BIRC6: variants seen among roughly 807,000 people sequenced by gnomAD.
The protein encoded by BIRC6 is dual E2 ubiquitin-conjugating enzyme/E3 ubiquitin-protein ligase BIRC6.
BIRC6 carries 98 observed loss-of-function variants against 503.3 expected under a neutral mutation model. The observed-to-expected ratio is 0.19, with a 90% CI of 0.17 to 0.23. BIRC6 has a LOEUF of 0.23. Ranked by LOEUF, BIRC6 falls within the 10% of genes least tolerant of loss-of-function variation. BIRC6 has a pLI of 1.00. For missense variants in BIRC6, 5,360 were observed against 5,806.0 expected (o/e 0.92, Z 2.50); for synonymous variants, 2,240 against 2,078.7 (o/e 1.08, Z -2.11).
intron 9 of BIRC6, among the ~76,000 whole-genome samples, chr2:32,413,827 C>G (rs1452751224): frequency 6.6e-6 from 1 of 152,018 alleles, no homozygotes; most frequent in Non-Finnish European, 1.5e-5. Context: ...TGCTTATAAC[C>G]TATGCACATC....
intron 14 of BIRC6, among the ~76,000 whole-genome samples, chr2:32,435,848 G>A (rs1477185253): frequency 6.6e-6 from 1 of 152,106 alleles, no homozygotes; most frequent in East Asian, 1.9e-4. Context: ...GAAAATAAAG[G>A]TGAACTGTAA....
At chr2:32,570,484 A>G (rs549823999) in intron 65 of BIRC6, among the ~76,000 whole-genome samples, 1 of 143,904 alleles carries the variant, frequency 6.9e-6, no homozygotes, top group South Asian at 2.2e-4. Context: ...GTGCGTGGCC[A>G]TTTATTTGTT....
Position 32,401,556 on chromosome 2 carries a change from A to G in BIRC6, c.1351A>G (p.Arg451Gly). 1 of 1,614,040 alleles carries G rather than the reference A, an allele frequency of 6.2e-7. No individual in the cohort carries two copies. The highest frequency in any genetic ancestry group is 8.5e-7 in the Non-Finnish European group (1 of 1,179,886). Residue 451 changes from arginine (R) to glycine (G), a missense_variant, in exon 8 of 74, where the codon AGA becomes GGA. Coordinates refer to ENST00000421745, the MANE Select transcript of BIRC6 (RefSeq NM_016252.4). ...CCCAAGCTCAGGAGTTGATTCAAGG[A>G]GACCAACTTTGGCGTGGCTGGAGGA... ...GDPSSGVDSRRPTLAWLEDSS... is the reference protein window; with the variant it reads ...GDPSSGVDSRGPTLAWLEDSS...
At chr2:32,485,298 C>G (rs1204312849) in intron 39 of BIRC6, among the ~76,000 whole-genome samples, 1 of 152,194 alleles carries the variant, frequency 6.6e-6, no homozygotes, top group African/African-American at 2.4e-5. Context: ...TGGATTTAAT[C>G]TAACTCCATA....
At chr2:32,430,150 T>A (rs964853270) in intron 11 of BIRC6, among the ~76,000 whole-genome samples, 1 of 152,206 alleles carries the variant, frequency 6.6e-6, no homozygotes, top group Non-Finnish European at 1.5e-5. Flanking sequence ...GTCATTTTTT[T>A]ATTGTGAAAA....
At chr2:32,514,191 T>C (rs72855970) in intron 54 of BIRC6, among the ~76,000 whole-genome samples, 6,169 of 152,188 alleles carry the variant, frequency 0.041, 207 homozygotes, top group African/African-American at 0.093. Flanking sequence ...CATGGTGGCA[T>C]GTTCCTCTAT....
chr2:32,545,987 A>G, intron 63 of BIRC6, 127 bp downstream of exon 63: 1 of 849,872 alleles, frequency 1.2e-6, no homozygotes. Flanking sequence ...CTAAAAGGAT[A>G]TTTAAAACAG....
chr2:32,535,389 G>A (rs2057145483), intron 61 of BIRC6, among the ~76,000 whole-genome samples: 1 of 151,998 alleles, frequency 6.6e-6, no homozygotes, highest in Non-Finnish European at 1.5e-5. Context: ...TGCAATGTTG[G>A]TATGCTGCAC....
chr2:32,384,692 T>C (rs2038188813), intron 3 of BIRC6, among the ~76,000 whole-genome samples: 1 of 152,168 alleles, frequency 6.6e-6, no homozygotes, highest in Non-Finnish European at 1.5e-5. Flanking sequence ...GCAACAGCTG[T>C]AGCCTGGTTA....
In BIRC6 at chr2:32,463,393, T is replaced by C. The variant is rs2048201391; in HGVS notation, c.4941+12T>C. ...AGCTTCAGCAACAGGTTGGAGACTA[T>C]TTGGCTCTTTGTTCATGCTGTCTCT... is the stretch of plus-strand genomic sequence containing the variant. On this transcript the variant is annotated intron_variant, in intron 24 of 73. Coordinates refer to ENST00000421745, the MANE Select transcript of BIRC6 (RefSeq NM_016252.4). 6.3e-7 allele frequency: 1 copy of C among 1,586,584 alleles called. No individual in the cohort carries two copies. Among genetic ancestry groups the C allele is most frequent in the Non-Finnish European group, 8.6e-7 (1 of 1,167,674 alleles).
At chr2:32,412,242 T>C (rs1356146890) in intron 9 of BIRC6, among the ~76,000 whole-genome samples, 1 of 152,174 alleles carries the variant, frequency 6.6e-6, no homozygotes, top group Non-Finnish European at 1.5e-5. Context: ...CTCATGTCTA[T>C]AATCCGAGCA....
intron 20 of BIRC6, among the ~76,000 whole-genome samples, chr2:32,444,031 G>GTTTTTTT (rs776568064): frequency 1.5e-5 from 2 of 136,884 alleles, no homozygotes; most frequent in African/African-American, 5.5e-5. Context: ...GGGACCAGTG[G>GTTTTTTT]TTTTTTTTTT....
intron 32 of BIRC6, 118 bp downstream of exon 32, chr2:32,471,242 G>A: frequency 7.6e-7 from 1 of 1,307,864 alleles, no homozygotes; most frequent in Non-Finnish European, 1.0e-6. Flanking sequence ...GCTACCAGCT[G>A]TATGTAATTT....
chr2:32,453,226 A>G (rs753441700), intron 22 of BIRC6, among the ~76,000 whole-genome samples: 1 of 152,152 alleles, frequency 6.6e-6, no homozygotes, highest in Non-Finnish European at 1.5e-5. Context: ...TTTCTTTTAA[A>G]AACTACTTAT....
intron 23 of BIRC6, 89 bp from the exon 24 acceptor site, chr2:32,463,105 G>A: frequency 9.1e-7 from 1 of 1,100,716 alleles, no homozygotes; most frequent in Admixed American, 3.1e-5. Flanking sequence ...CATCATAATA[G>A]TGCCAAAATA....
At chr2:32,370,058 G>A (rs1307215566) in intron 1 of BIRC6, among the ~76,000 whole-genome samples, 1 of 133,574 alleles carries the variant, frequency 7.5e-6, no homozygotes, top group Non-Finnish European at 1.6e-5. Flanking sequence ...ATGTGTGTAT[G>A]TATACACACA....
At chr2:32,418,363 T>C (rs1162106996) in intron 10 of BIRC6, among the ~76,000 whole-genome samples, 1 of 152,212 alleles carries the variant, frequency 6.6e-6, no homozygotes, top group African/African-American at 2.4e-5. Context: ...TTGTCTCCGT[T>C]TTGTACATAA....
At chr2:32,431,837 A>G (rs1041336488) in intron 12 of BIRC6, among the ~76,000 whole-genome samples, 2 of 152,276 alleles carry the variant, frequency 1.3e-5, no homozygotes, top group African/African-American at 2.4e-5. Flanking sequence ...AAACAGATAC[A>G]TATACCATGC....
At chr2:32,489,990 C>A in intron 42 of BIRC6, 51 bp from the exon 43 acceptor site, 1 of 1,281,648 alleles carries the variant, frequency 7.8e-7, no homozygotes, top group Non-Finnish European at 1.1e-6. Context: ...CTTAGTTCTT[C>A]ATAAACATTG....
Sources: gnomAD v4.1 joint callset for allele counts (sites outside exome capture counted in the v4.1 genomes callset) on GRCh38, gnomAD v4.1.1 for gene constraint, MANE v1.5 for transcripts, NCBI Gene and HGNC (gene_info 2026-07-23, HGNC 2026-07-21) for gene names.